Variants in TSC2 observed in about 807,000 individuals in gnomAD.
The protein encoded by TSC2 is tuberin.
Under a neutral mutation model 202.2 loss-of-function variants are expected in TSC2, and 29 were observed. The ratio of observed to expected loss-of-function variants is 0.14; its 90% CI spans 0.11 to 0.20. The LOEUF is 0.20. Among genes scored for constraint, TSC2 ranks in the 10% least tolerant of loss-of-function variants. The pLI is 1.00. For missense variants in TSC2, 2,429 were observed against 2,420.0 expected (o/e 1.00, Z -0.08); for synonymous variants, 1,349 against 1,044.0 (o/e 1.29, Z -5.63).
Position 2,064,424 on chromosome 16 carries a change from G to A in TSC2, c.1596G>A (p.Glu532=), listed in dbSNP as rs756466484. ...HHFNSLLDII[E]KVMARSLSPP... ...TCAACAGCCTGCTGGACATCATCGA[G>A]AAGGTGAGAGCCGTTGTACCCGGGG... Residue 532 remains glutamate, a synonymous_variant, in exon 15 of 42, where the codon GAG becomes GAA. Transcript: ENST00000219476. 5.0e-6 allele frequency: 8 copies of A among 1,613,346 alleles called. No individual in the cohort carries two copies. Among genetic ancestry groups the A allele is most frequent in the Non-Finnish European group, 1.7e-6 (2 of 1,180,034 alleles).
At chr16:2,060,512 C>G (rs1163156052) in intron 10 of TSC2, among the ~76,000 whole-genome samples, 158 bp from the exon 11 acceptor site, 1 of 152,154 alleles carries the variant, frequency 6.6e-6, no homozygotes, top group Non-Finnish European at 1.5e-5. Context: ...AGAAACCCCT[C>G]CTGGGCGCCC....
chr16:2,088,765 T>C lies in TSC2; in HGVS notation c.*155T>C. On this transcript the variant is annotated 3_prime_UTR_variant, in exon 42 of 42. Transcript: ENST00000219476. Reference sequence around the variant, plus strand: ...CTGCTTGGTGCGGGGGTTGGGGGGGTGTCGAGGCTCTAGAAGCGGCCATGC... The same window carrying C: ...CTGCTTGGTGCGGGGGTTGGGGGGGCGTCGAGGCTCTAGAAGCGGCCATGC... 1 of 1,080,582 alleles carries C rather than the reference T, an allele frequency of 9.3e-7. No homozygotes were observed. The highest frequency in any genetic ancestry group is 1.3e-6 in the Non-Finnish European group (1 of 767,184). 66.9% of individuals were successfully genotyped at this position (1,080,582 alleles called of 1,614,324 possible). A position where few individuals can be genotyped will look rare whatever the true frequency, so the allele number is the denominator to read the frequency against.
intron 29 of TSC2, 140 bp from the exon 30 acceptor site, chr16:2,080,025 C>G (rs56725934): frequency 8.5e-7 from 1 of 1,170,826 alleles, no homozygotes. Context: ...TGTGGTGGGC[C>G]GTGCCCCAAG....
At chr16:2,052,610 A>G (rs28502796) in intron 3 of TSC2, among the ~76,000 whole-genome samples, 86,701 of 152,050 alleles carry the variant, frequency 0.57, 25,310 homozygotes, top group East Asian at 0.81. Flanking sequence ...GCACTTGGCC[A>G]GAACACGGCC....
intron 38 of TSC2, 57 bp downstream of exon 38, chr16:2,086,928 C>A (rs1192316954): frequency 1.3e-6 from 2 of 1,549,072 alleles, no homozygotes; most frequent in Non-Finnish European, 1.7e-6. Context: ...CTGCTGTGTC[C>A]CGGGTTGGTG....
rs147003028 is a variant in TSC2, at chr16:2,076,556, G to C, written c.2808G>C (p.Arg936=). 10 of 1,613,478 alleles carry C rather than the reference G, an allele frequency of 6.2e-6. No individual in the cohort carries two copies. In the African/African-American group the frequency reaches 1.2e-4, roughly 19 times the overall value. Residue 936 remains arginine, a synonymous_variant, in exon 25 of 42, where the codon CGG becomes CGC. Transcript: ENST00000219476. ...DTPEKDSFRA[R]STSLNERPKS... ...CCGAGAAGGACAGCTTCAGGGCCCG[G>C]AGTACTAGTCTCAACGAGAGACCCA...
chr16:2,062,399 G>A (rs2086747532), intron 12 of TSC2, 98 bp from the exon 13 acceptor site: 2 of 1,186,134 alleles, frequency 1.7e-6, no homozygotes, highest in Non-Finnish European at 2.4e-6. Context: ...TGAGGCGGCT[G>A]GGCTCTGACA....
chr16:2,063,182 GC>G, intron 14 of TSC2, 129 bp downstream of exon 14: 1 of 1,157,748 alleles, frequency 8.6e-7, no homozygotes, highest in Non-Finnish European at 1.3e-6. Context: ...ACCCTCTGCA[GC>G]CCCCAGCGTG....
At chr16:2,067,588 T>C (rs1024621219) in intron 16 of TSC2, among the ~76,000 whole-genome samples, 4 of 151,734 alleles carry the variant, frequency 2.6e-5, no homozygotes, top group Non-Finnish European at 5.9e-5. Context: ...CTGACCAACA[T>C]GGAGAAACCC....
rs752642825 is a variant in TSC2, at chr16:2,086,258, G to A, written c.4728G>A (p.Thr1576=). 1.5e-5 allele frequency: 24 copies of A among 1,612,698 alleles called. 1 individual carries two copies. The Middle Eastern group carries it at 9.9e-4, about 66-fold the overall frequency. ...CCTACAGGTACACGGAGTTCCTGAC[G>A]GGCCTGGGCCGGCTCATCGAGCTGA... The part of the protein sequence containing the change: ...HGSYRYTEFL[T]GLGRLIELKD... Residue 1576 remains threonine, a synonymous_variant, in exon 37 of 42, where the codon ACG becomes ACA. Coordinates refer to ENST00000219476, the MANE Select transcript of TSC2 (RefSeq NM_000548.5).
At chr16:2,087,793 C>G in intron 38 of TSC2, 70 bp from the exon 39 acceptor site, 1 of 1,564,750 alleles carries the variant, frequency 6.4e-7, no homozygotes, top group South Asian at 1.1e-5. Context: ...GCAGTGCAAC[C>G]AGGCAGTAGC....
intron 36 of TSC2, among the ~76,000 whole-genome samples, chr16:2,085,878 G>A (rs1164846195): frequency 6.6e-6 from 1 of 152,200 alleles, no homozygotes; most frequent in Non-Finnish European, 1.5e-5. Context: ...GTGGCTCGAG[G>A]AGGTGGGTGG....
chr16:2,054,780 C>T, intron 5 of TSC2: 1 of 417,542 alleles, frequency 2.4e-6, no homozygotes, highest in South Asian at 2.2e-5. Flanking sequence ...CTGGTCCCGT[C>T]TTCCTCCTCC....
At chr16:2,063,703 C>T (rs752041850) in intron 14 of TSC2, 2 of 228,640 alleles carry the variant, frequency 8.7e-6, no homozygotes, top group Non-Finnish European at 8.8e-6. Flanking sequence ...ATTGCGATCC[C>T]GCATTCTGTC....
intron 24 of TSC2, 105 bp from the exon 25 acceptor site, chr16:2,076,386 C>A: frequency 6.3e-7 from 1 of 1,587,762 alleles, no homozygotes; most frequent in Non-Finnish European, 8.6e-7. Flanking sequence ...CCGCCTTGCC[C>A]CTAGCCTGCA....
chr16:2,082,288 T>C (rs990971924), intron 31 of TSC2, 148 bp from the exon 32 acceptor site: 2 of 866,122 alleles, frequency 2.3e-6, no homozygotes, highest in Non-Finnish European at 3.8e-6. Context: ...CCCAAGCAGC[T>C]TGTAGCTAGC....
chr16:2,049,905 G>A (rs2084888628), intron 2 of TSC2, among the ~76,000 whole-genome samples: 1 of 151,152 alleles, frequency 6.6e-6, no homozygotes, highest in Admixed American at 6.6e-5. Context: ...AAAAAAAATT[G>A]CACATTCTCA....
rs897787085 is a variant in TSC2, at chr16:2,089,296, CAG to C, written c.*687_*688del. 1.3e-5 allele frequency: 3 copies of C among 234,592 alleles called. No homozygotes were observed. The highest frequency in any genetic ancestry group is 6.8e-5 in the African/African-American group (3 of 44,110). 14.5% of individuals were successfully genotyped at this position (234,592 alleles called of 1,614,324 possible). A position where few individuals can be genotyped will look rare whatever the true frequency, so the allele number is the denominator to read the frequency against. On this transcript the variant is annotated 3_prime_UTR_variant, in exon 42 of 42. Coordinates refer to ENST00000219476, the MANE Select transcript of TSC2 (RefSeq NM_000548.5). ...ATATAAATTACTGACACGAGACACA[CAG>C]TGAGACGGTGCAGGGAGTACGGTAG...
At chr16:2,077,356 T>C (rs1278124082) in intron 25 of TSC2, 6 of 591,754 alleles carry the variant, frequency 1.0e-5, no homozygotes, top group African/African-American at 1.9e-5. Context: ...TTTGGTGTCA[T>C]GCGTGAAGCC....
Sources: allele counts gnomAD v4.1 joint callset (sites outside exome capture counted in the v4.1 genomes callset), GRCh38; gene constraint gnomAD v4.1.1; transcripts MANE v1.5; gene names NCBI Gene and HGNC (gene_info 2026-07-23, HGNC 2026-07-21).